PHF14: variants seen among roughly 807,000 people sequenced by gnomAD.
PHF14 encodes the protein PHD finger protein 14.
Under a neutral mutation model 117.9 loss-of-function variants are expected in PHF14, and 55 were observed. The observed-to-expected ratio is 0.47, with a 90% CI of 0.38 to 0.58. The LOEUF (loss-of-function observed/expected upper bound fraction) is 0.58. Ranked by LOEUF, PHF14 falls within the 20% of genes least tolerant of loss-of-function variation. PHF14 has a pLI of 0.00. For synonymous variants in PHF14, 409 were observed against 368.6 expected (o/e 1.11, Z -1.26); for missense variants, 978 against 1,122.2 (o/e 0.87, Z 1.84).
At position 10,990,851 on chromosome 7, in the gene PHF14, A is replaced by G. The variant is rs1782423493; in HGVS notation, c.1045+4A>G. The G allele has an allele frequency of 6.4e-7, 1 of 1,571,268 alleles. No homozygotes were observed. The highest frequency in any genetic ancestry group is 8.6e-7 in the Non-Finnish European group (1 of 1,156,622). ...TGTGGCATTACAGTCCATGAAGGTA[A>G]TGTTGCTTTCTTTTCTCTCTTTTTA... On this transcript the variant is annotated splice_donor_region_variant and intron_variant, in intron 4 of 17. Coordinates refer to ENST00000634607, the MANE Select transcript of PHF14 (RefSeq NM_001007157.2).
intron 2 of PHF14, among the ~76,000 whole-genome samples, chr7:10,977,247 A>G (rs928368620): frequency 2.6e-5 from 4 of 152,126 alleles, no homozygotes; most frequent in African/African-American, 9.7e-5. Context: ...GAGAAATGGT[A>G]GCTAAACATC....
At chr7:11,010,658 G>A (rs1201835546) in intron 4 of PHF14, among the ~76,000 whole-genome samples, 4 of 151,466 alleles carry the variant, frequency 2.6e-5, no homozygotes, top group African/African-American at 9.7e-5. Flanking sequence ...ACACACACAT[G>A]CATAATCTGA....
At chr7:11,075,577 T>TG (rs1562453082) in intron 16 of PHF14, among the ~76,000 whole-genome samples, 9 of 148,258 alleles carry the variant, frequency 6.1e-5, no homozygotes, top group African/African-American at 2.0e-4. Context: ...TTTTTTTTTT[T>TG]TTTTTTTTTT....
At chr7:10,996,960 T>C (rs1782674472) in intron 4 of PHF14, among the ~76,000 whole-genome samples, 1 of 152,102 alleles carries the variant, frequency 6.6e-6, no homozygotes, top group Admixed American at 6.5e-5. Context: ...GTGGACAGAG[T>C]AGGTATCACC....
chr7:11,131,595 A>G (rs2076868032), intron 17 of PHF14, among the ~76,000 whole-genome samples: 1 of 151,878 alleles, frequency 6.6e-6, no homozygotes, highest in Non-Finnish European at 1.5e-5. Context: ...AATTTGCAAA[A>G]TATTATCACT....
At chr7:10,974,514 T>TTACGA (rs1375863945) in intron 1 of PHF14, among the ~76,000 whole-genome samples, 190 bp downstream of exon 1, 2 of 152,164 alleles carry the variant, frequency 1.3e-5, no homozygotes, top group Admixed American at 1.3e-4. Context: ...TTATTGACTG[T>TTACGA]TACGATGTCT....
chr7:11,016,178 C>T (rs1263071704), intron 5 of PHF14, among the ~76,000 whole-genome samples: 1 of 152,058 alleles, frequency 6.6e-6, no homozygotes, highest in Non-Finnish European at 1.5e-5. Flanking sequence ...CTTTTATATA[C>T]TATTTGAACA....
At chr7:11,025,441 A>G (rs1783873567) in intron 6 of PHF14, among the ~76,000 whole-genome samples, 1 of 152,234 alleles carries the variant, frequency 6.6e-6, no homozygotes, top group African/African-American at 2.4e-5. Flanking sequence ...CACGTGCCAC[A>G]GAGAAATCTT....
intron 1 of PHF14, 62 bp downstream of exon 1, chr7:10,974,386 C>A: frequency 2.8e-6 from 4 of 1,437,940 alleles, no homozygotes; most frequent in South Asian, 1.2e-5. Context: ...AAGTCAGGGC[C>A]GGTGGGAGCA....
chr7:11,023,848 T>G (rs1032261294), intron 6 of PHF14, among the ~76,000 whole-genome samples: 1 of 152,042 alleles, frequency 6.6e-6, no homozygotes, highest in Non-Finnish European at 1.5e-5. Flanking sequence ...AAAAAGAAAT[T>G]TGGCCAATTA....
intron 13 of PHF14, among the ~76,000 whole-genome samples, chr7:11,047,148 A>G (rs1361498757): frequency 1.3e-5 from 2 of 151,710 alleles, no homozygotes; most frequent in Non-Finnish European, 2.9e-5. Flanking sequence ...AACTCACCGC[A>G]ACTTCTGCCT....
chr7:11,042,867 A>T, intron 13 of PHF14, 53 bp downstream of exon 13: 9 of 1,263,586 alleles, frequency 7.1e-6, no homozygotes, highest in Non-Finnish European at 1.0e-5. Flanking sequence ...TCTTAGTTTC[A>T]GCAGTATAAG....
At chr7:11,106,372 A>T (rs1262433746) in intron 16 of PHF14, 1 of 976,384 alleles carries the variant, frequency 1.0e-6, no homozygotes, top group Non-Finnish European at 1.2e-6. Context: ...CAAGCCCTCC[A>T]CGTTAGTCTT....
chr7:11,013,903 G>A lies in PHF14; in HGVS notation c.1202G>A (p.Gly401Glu). 1 of 1,597,484 alleles carries A rather than the reference G, an allele frequency of 6.3e-7. No individual in the cohort carries two copies. The highest frequency in any genetic ancestry group is 8.6e-7 in the Non-Finnish European group (1 of 1,167,556). Residue 401 changes from glycine to glutamate, a missense_variant, in exon 5 of 18, where the codon GGA becomes GAA. By Grantham distance (98) the Gly-to-Glu change is moderately conservative. Transcript: ENST00000634607. ...GGAATTTTCAAGGAGACAGATGCTG[G>A]AAGGTTAATGTCCTAATTATGTTGG... ...QDGIFKETDA[G>E]RWVHIVCALY... is the part of the protein sequence containing the mutation.
intron 4 of PHF14, among the ~76,000 whole-genome samples, chr7:10,998,385 A>C (rs1782738688): frequency 6.6e-6 from 1 of 152,156 alleles, no homozygotes; most frequent in South Asian, 2.1e-4. Context: ...TATTTGGGAG[A>C]ATAAACTGAA....
chr7:10,992,532 T>C (rs1403576563), intron 4 of PHF14, among the ~76,000 whole-genome samples: 3 of 151,734 alleles, frequency 2.0e-5, no homozygotes, highest in East Asian at 3.9e-4. Flanking sequence ...GCGTGGTGGC[T>C]TATACCTGTA....
intron 4 of PHF14, among the ~76,000 whole-genome samples, chr7:10,998,446 A>G (rs2128312370): frequency 6.6e-6 from 1 of 152,300 alleles, no homozygotes; most frequent in African/African-American, 2.4e-5. Context: ...AGACACATAT[A>G]TGTATATATA....
At chr7:11,111,823 A>C (rs1353955843) in intron 17 of PHF14, among the ~76,000 whole-genome samples, 1 of 151,946 alleles carries the variant, frequency 6.6e-6, no homozygotes, top group Non-Finnish European at 1.5e-5. Context: ...TATGTTAGCT[A>C]ACAGAATAAC....
chr7:11,023,441 T>A (rs766882601), intron 6 of PHF14, among the ~76,000 whole-genome samples: 1 of 152,212 alleles, frequency 6.6e-6, no homozygotes, highest in African/African-American at 2.4e-5. Flanking sequence ...ATATATGTTA[T>A]GTGTGTTCTG....
Sources: gnomAD v4.1 joint callset for allele counts (sites outside exome capture counted in the v4.1 genomes callset) on GRCh38, gnomAD v4.1.1 for gene constraint, MANE v1.5 for transcripts, NCBI Gene and HGNC (gene_info 2026-07-23, HGNC 2026-07-21) for gene names.